The following SRD5A2 variants were observed in gnomAD, a reference collection of about 807,000 sequenced individuals.
SRD5A2 encodes the protein steroid 5 alpha-reductase 2, also known as 3-oxo-5-alpha-steroid 4-dehydrogenase 2.
A neutral mutation model predicts 27.4 loss-of-function variants in SRD5A2; 30 were observed. That is an observed-to-expected ratio of 1.10 (90% CI 0.82 to 1.49). The LOEUF (loss-of-function observed/expected upper bound fraction) is 1.49. Among genes scored for constraint, SRD5A2 ranks in the 40% most tolerant of loss-of-function variants. The pLI, the probability that SRD5A2 is intolerant of heterozygous loss-of-function variation, is 0.00. For synonymous variants in SRD5A2, 141 were observed against 133.6 expected (o/e 1.06, Z -0.38); for missense variants, 348 against 323.4 (o/e 1.08, Z -0.58).
chr2:31,661,986 T>C, the SRD5A2 span, among the ~76,000 whole-genome samples: 2 of 152,178 alleles, frequency 1.3e-5, no homozygotes, highest in African/African-American at 2.4e-5. Flanking sequence ...ATTTTTCAGT[T>C]GTAGAATTTT....
chr2:31,545,825 C>G (rs1157769124), intron 1 of SRD5A2, among the ~76,000 whole-genome samples: 1 of 152,168 alleles, frequency 6.6e-6, no homozygotes, highest in Non-Finnish European at 1.5e-5. Flanking sequence ...AACGATTCCA[C>G]ATACATTTTT....
chr2:31,549,995 A>G (rs1372573457), intron 1 of SRD5A2, among the ~76,000 whole-genome samples: 1 of 152,180 alleles, frequency 6.6e-6, no homozygotes, highest in Non-Finnish European at 1.5e-5. Flanking sequence ...ATCTTATATC[A>G]TAAGGCAATC....
chr2:31,548,591 C>T (rs1026747143), intron 1 of SRD5A2, among the ~76,000 whole-genome samples: 1 of 152,246 alleles, frequency 6.6e-6, no homozygotes, highest in African/African-American at 2.4e-5. Flanking sequence ...AATAACAAGT[C>T]TTGGCAAAGA....
rs1407101579 is a variant in SRD5A2, at chr2:31,526,233, G to GGGTAGTCCTCAAACATCTTGA, written c.707_727dup (p.Leu236_Tyr242dup). 1 of 1,590,266 alleles carries GGGTAGTCCTCAAACATCTTGA rather than the reference G, an allele frequency of 6.3e-7. No homozygotes were observed. Among genetic ancestry groups the GGGTAGTCCTCAAACATCTTGA allele is most frequent in the Non-Finnish European group, 8.6e-7 (1 of 1,166,980 alleles). On this transcript the variant is annotated inframe_insertion, in exon 5 of 5. Transcript: ENST00000622030. ...TGGAATAAGGGCTTTCCGAGATTTG[G>GGGTAGTCCTCAAACATCTTGA]GGTAGTCCTCAAACATCTTGAGGTA...
At chr2:31,631,319 G>T in the SRD5A2 span, among the ~76,000 whole-genome samples, 1 of 152,166 alleles carries the variant, frequency 6.6e-6, no homozygotes, top group South Asian at 2.1e-4. Context: ...GTGCAGGACT[G>T]CTACATCAGT....
the SRD5A2 span, among the ~76,000 whole-genome samples, chr2:31,637,543 A>G: frequency 6.6e-6 from 1 of 152,134 alleles, no homozygotes. Context: ...AAGTTTGTAA[A>G]TAACCCACCC....
chr2:31,537,227 T>C (rs931758366), intron 1 of SRD5A2, among the ~76,000 whole-genome samples: 1 of 152,200 alleles, frequency 6.6e-6, no homozygotes, highest in Non-Finnish European at 1.5e-5. Flanking sequence ...TTTCCATGTA[T>C]ATATTTAACT....
chr2:31,534,981 T>G (rs548749613), intron 1 of SRD5A2, among the ~76,000 whole-genome samples: 1 of 152,128 alleles, frequency 6.6e-6, no homozygotes, highest in East Asian at 1.9e-4. Flanking sequence ...ATGGAGTGAC[T>G]GGCAAAAGTA....
chr2:31,650,828 C>T, the SRD5A2 span, among the ~76,000 whole-genome samples: 2 of 152,176 alleles, frequency 1.3e-5, no homozygotes, highest in East Asian at 3.9e-4. Flanking sequence ...AAACCACACA[C>T]CATCTCACAG....
At chr2:31,530,318 A>G (rs1004643570) in intron 3 of SRD5A2, among the ~76,000 whole-genome samples, 4 of 152,126 alleles carry the variant, frequency 2.6e-5, no homozygotes, top group Non-Finnish European at 5.9e-5. Context: ...TTCTTTATTT[A>G]TCTAGTTATG....
chr2:31,526,297 T>C, intron 4 of SRD5A2, 35 bp from the exon 5 acceptor site: 2 of 1,366,526 alleles, frequency 1.5e-6, no homozygotes, highest in Non-Finnish European at 2.0e-6. Context: ...GTAAATATAA[T>C]GGAGCAGTGG....
intron 1 of SRD5A2, among the ~76,000 whole-genome samples, chr2:31,572,018 C>T (rs1368980681): frequency 7.0e-6 from 1 of 143,668 alleles, no homozygotes; most frequent in Non-Finnish European, 1.5e-5. Context: ...ACCATAAAGA[C>T]ACATGCATGT....
the SRD5A2 span, among the ~76,000 whole-genome samples, chr2:31,647,490 T>C: frequency 3.9e-5 from 6 of 152,232 alleles, no homozygotes; most frequent in Admixed American, 2.6e-4. Flanking sequence ...GTTTAAGACA[T>C]ATGGTGGTTT....
At chr2:31,552,689 T>C (rs956443986) in intron 1 of SRD5A2, among the ~76,000 whole-genome samples, 1 of 152,116 alleles carries the variant, frequency 6.6e-6, no homozygotes, top group African/African-American at 2.4e-5. Flanking sequence ...TATAGTTTGA[T>C]GGGGGCAGCT....
chr2:31,631,407 G>C, the SRD5A2 span, among the ~76,000 whole-genome samples: 2 of 152,130 alleles, frequency 1.3e-5, no homozygotes, highest in South Asian at 2.1e-4. Context: ...GGACCTTAGA[G>C]GACACTCTAC....
At chr2:31,627,632 C>T in the SRD5A2 span, among the ~76,000 whole-genome samples, 13 of 152,214 alleles carry the variant, frequency 8.5e-5, no homozygotes, top group Admixed American at 2.6e-4. Context: ...TCTTAACATG[C>T]TTTGGCTGTT....
chr2:31,575,592 T>G lies in SRD5A2; in HGVS notation c.281+5028A>C, dbSNP rs111229512. ...GGAGAAATTCCGCTGGGGAATGAAC[T>G]GACTAATAAAGCAAAAAGCACCTTA... On this transcript the variant is annotated intron_variant, in intron 1 of 4. Transcript: ENST00000622030. Among the ~76,000 whole-genome samples the G allele has an allele frequency of 6.7e-3, 1,023 of 152,318 alleles. 14 individuals are homozygous for G. The highest frequency in any genetic ancestry group is 0.023 in the African/African-American group (941 of 41,560).
At chr2:31,568,799 G>A (rs1031481370) in intron 1 of SRD5A2, among the ~76,000 whole-genome samples, 1 of 152,184 alleles carries the variant, frequency 6.6e-6, no homozygotes, top group African/African-American at 2.4e-5. Flanking sequence ...GCCCCCACTT[G>A]CCCCTCCTCC....
At chr2:31,587,756 A>G in the SRD5A2 span, among the ~76,000 whole-genome samples, 1,553 of 152,128 alleles carry the variant, frequency 0.01, 19 homozygotes, top group South Asian at 0.044. Context: ...AAGGGGTTGG[A>G]GTCAAGGGGA....
Sources: gnomAD v4.1 joint callset for allele counts (sites outside exome capture counted in the v4.1 genomes callset) on GRCh38, gnomAD v4.1.1 for gene constraint, MANE v1.5 for transcripts, NCBI Gene and HGNC (gene_info 2026-07-23, HGNC 2026-07-21) for gene names.